The following EDA variants were observed in gnomAD, a reference collection of about 807,000 sequenced individuals.
The protein encoded by EDA is ectodysplasin-A.
In EDA, 2 loss-of-function variants were observed where a neutral mutation model predicts 23.6. The observed-to-expected ratio is 0.08, with a 90% CI of 0.03 to 0.27. The LOEUF (loss-of-function observed/expected upper bound fraction) is 0.27. Ranked by LOEUF, EDA falls within the 10% of genes least tolerant of loss-of-function variation. EDA has a pLI of 1.00. For synonymous variants in EDA, 131 were observed against 132.0 expected (o/e 0.99, Z 0.05); for missense variants, 229 against 324.2 (o/e 0.71, Z 2.26).
chrX:69,979,007 A>C (rs1462149390), intron 2 of EDA, among the ~76,000 whole-genome samples: 1 of 111,182 alleles, frequency 9.0e-6, no homozygotes, highest in African/African-American at 3.3e-5. Context: ...CATTTCCAGA[A>C]CTTTTTCCTC....
intron 1 of EDA, among the ~76,000 whole-genome samples, chrX:69,692,764 A>G (rs1445084084): frequency 8.9e-6 from 1 of 111,756 alleles, no homozygotes; most frequent in East Asian, 2.8e-4. Context: ...TATATCTGAA[A>G]TTTTTGTCCT....
chrX:69,816,873 C>G (rs5936503), intron 1 of EDA, among the ~76,000 whole-genome samples: 1 of 109,900 alleles, frequency 9.1e-6, no homozygotes, highest in South Asian at 3.9e-4. Flanking sequence ...CAGGAAAATA[C>G]CCCACGAGAA....
chrX:69,695,512 C>CTTTTTTTTTTT (rs34298428), intron 1 of EDA, among the ~76,000 whole-genome samples: 4 of 88,861 alleles, frequency 4.5e-5, no homozygotes, highest in Non-Finnish European at 8.8e-5. Context: ...TTCCTTCTTT[C>CTTTTTTTTTTT]TTTTTTTTTT....
chrX:69,841,196 G>T (rs1044026315), intron 1 of EDA, among the ~76,000 whole-genome samples: 1 of 111,557 alleles, frequency 9.0e-6, no homozygotes, highest in Non-Finnish European at 1.9e-5. Context: ...AAAATTCTAG[G>T]TGAGCAAAAG....
At chrX:69,808,198 T>A (rs1404949716) in intron 1 of EDA, among the ~76,000 whole-genome samples, 2 of 111,623 alleles carry the variant, frequency 1.8e-5, no homozygotes, top group African/African-American at 6.5e-5. Flanking sequence ...TTTTATTGTT[T>A]GTATATTATA....
Position 70,035,708 on chromosome X carries a change from G to A in EDA, c.*99G>A. 2 of 1,029,945 alleles carry A rather than the reference G, an allele frequency of 1.9e-6. No individual in the cohort carries two copies. Among genetic ancestry groups the A allele is most frequent in the Non-Finnish European group, 2.7e-6 (2 of 748,824 alleles). The allele number at this position is 1,029,945 out of a possible 1,213,427, so 84.9% of individuals were successfully genotyped here. A position where few individuals can be genotyped will look rare whatever the true frequency, so the allele number is the denominator to read the frequency against. On this transcript the variant is annotated 3_prime_UTR_variant, in exon 8 of 8. Coordinates refer to ENST00000374552, the MANE Select transcript of EDA (RefSeq NM_001399.5). ...CTGCTGTGGAGTGAGGTGTATTGGT[G>A]TTGCAGCCGCAGAGAAATGCCCCAG...
intron 1 of EDA, among the ~76,000 whole-genome samples, chrX:69,942,115 T>C (rs2018767077): frequency 8.9e-6 from 1 of 111,828 alleles, no homozygotes. Flanking sequence ...TAAAACCTTC[T>C]TTTCTATTTA....
At chrX:69,668,923 ATTTAC>A (rs1291260587) in intron 1 of EDA, among the ~76,000 whole-genome samples, 2 of 111,955 alleles carry the variant, frequency 1.8e-5, no homozygotes, top group Non-Finnish European at 3.8e-5. Flanking sequence ...GTCCATTCAT[ATTTAC>A]TTTATGTATT....
intron 1 of EDA, among the ~76,000 whole-genome samples, chrX:69,733,373 C>G: frequency 9.0e-6 from 1 of 111,342 alleles, no homozygotes; most frequent in Non-Finnish European, 1.9e-5. Context: ...TTCCCCATTT[C>G]TTGTTTTTTG....
At chrX:69,774,916 A>C (rs768481961) in intron 1 of EDA, among the ~76,000 whole-genome samples, 1 of 111,429 alleles carries the variant, frequency 9.0e-6, no homozygotes, top group South Asian at 3.8e-4. Flanking sequence ...AGAGGCATTA[A>C]AGAATGTCTT....
At chrX:70,001,633 T>A (rs924241214) in intron 2 of EDA, among the ~76,000 whole-genome samples, 3 of 112,754 alleles carry the variant, frequency 2.7e-5, no homozygotes, top group African/African-American at 9.7e-5. Context: ...GGTTGGATGA[T>A]AAATTGCCAG....
intron 1 of EDA, among the ~76,000 whole-genome samples, chrX:69,836,871 C>T (rs759729927): frequency 5.9e-4 from 66 of 111,293 alleles, no homozygotes; most frequent in African/African-American, 2.1e-3. Flanking sequence ...CTTGGAATGC[C>T]CCCAAGAAAT....
rs982160155 is a variant in EDA at position 69,687,637 on chromosome X, C to G, written c.396+70933C>G. ...GGTATCATTTTAAAGAAAGTATTGC[C>G]TAACCCAAGGTCACAAGGATATACA... On this transcript the variant is annotated intron_variant, in intron 1 of 7. Coordinates refer to ENST00000374552, the MANE Select transcript of EDA (RefSeq NM_001399.5). The G allele has an allele frequency of 6.7e-5, 7 of 104,728 alleles. No homozygotes were observed. The South Asian group carries it at 3.0e-3, about 45-fold the overall frequency. 8.6% of individuals were successfully genotyped at this position (104,728 alleles called of 1,213,427 possible). A position where few individuals can be genotyped will look rare whatever the true frequency, so the allele number is the denominator to read the frequency against.
At chrX:69,623,387 G>A (rs932473459) in intron 1 of EDA, among the ~76,000 whole-genome samples, 4 of 111,559 alleles carry the variant, frequency 3.6e-5, no homozygotes, top group Non-Finnish European at 7.5e-5. Flanking sequence ...CGTGGTGGAA[G>A]GGATAAATGC....
intron 1 of EDA, among the ~76,000 whole-genome samples, chrX:69,684,508 C>T (rs2147289318): frequency 9.0e-6 from 1 of 111,642 alleles, no homozygotes; most frequent in East Asian, 2.8e-4. Flanking sequence ...AGATTTCCAT[C>T]CAAAAGATTA....
At chrX:69,726,616 G>A (rs1036056560) in intron 1 of EDA, among the ~76,000 whole-genome samples, 2 of 112,676 alleles carry the variant, frequency 1.8e-5, no homozygotes, top group Non-Finnish European at 3.8e-5. Flanking sequence ...TTGTAACAAA[G>A]TACCATAGAT....
intron 1 of EDA, among the ~76,000 whole-genome samples, chrX:69,903,596 A>AACAC (rs200847087): frequency 1.7e-3 from 172 of 102,200 alleles, no homozygotes; most frequent in East Asian, 8.1e-3. Flanking sequence ...CACACACATA[A>AACAC]ACACACACAC....
intron 1 of EDA, 132 bp downstream of exon 1, chrX:69,616,836 C>A: frequency 1.1e-6 from 1 of 905,507 alleles, no homozygotes; most frequent in Non-Finnish European, 1.5e-6. Flanking sequence ...AGGGACCAGG[C>A]GAGCAAGGGA....
chrX:69,833,116 C>T (rs1236307999), intron 1 of EDA, among the ~76,000 whole-genome samples: 1 of 111,552 alleles, frequency 9.0e-6, no homozygotes, highest in African/African-American at 3.3e-5. Context: ...CTGTCTTGTG[C>T]CAGTTTTCAA....
Sources: allele counts gnomAD v4.1 joint callset (sites outside exome capture counted in the v4.1 genomes callset), GRCh38; gene constraint gnomAD v4.1.1; transcripts MANE v1.5; gene names NCBI Gene and HGNC (gene_info 2026-07-23, HGNC 2026-07-21).